POLR1D: variants seen among roughly 807,000 people sequenced by gnomAD.
The protein encoded by POLR1D is DNA-directed RNA polymerases I and III subunit RPAC2.
A neutral mutation model predicts 10.8 loss-of-function variants in POLR1D; 8 were observed. The observed-to-expected ratio is 0.74, with a 90% CI of 0.43 to 1.33. The LOEUF is 1.33. POLR1D is among the 40% of genes most tolerant of loss of function. The pLI is 0.01. For missense variants in POLR1D, 152 were observed against 161.7 expected (o/e 0.94, Z 0.32); for synonymous variants, 54 against 57.2 (o/e 0.94, Z 0.25).
chr13:27,623,414 CTG>C lies in POLR1D; in HGVS notation c.*166_*167del. ...GCTGTTGGAATCTCTGCAAGAACCT[CTG>C]TATTCTTCTAATAAATTCCCTCTTT... On this transcript the variant is annotated 3_prime_UTR_variant, in exon 2 of 2. Coordinates refer to ENST00000302979, the MANE Select transcript of POLR1D (RefSeq NM_015972.4). 7.1e-7 allele frequency: 1 copy of C among 1,413,702 alleles called. No homozygotes were observed. Among genetic ancestry groups the C allele is most frequent in the Non-Finnish European group, 9.3e-7 (1 of 1,080,090 alleles). 87.6% of individuals were successfully genotyped at this position (1,413,702 alleles called of 1,614,324 possible).
chr13:27,664,697 A>T (rs537169083), intron 2 of POLR1D: 1 of 152,248 alleles, frequency 6.6e-6, no homozygotes, highest in Non-Finnish European at 1.5e-5. Context: ...ACTAGTCCAC[A>T]CAATTCCTAT....
chr13:27,630,557 A>G (rs1956063163), intron 1 of POLR1D, among the ~76,000 whole-genome samples: 1 of 152,176 alleles, frequency 6.6e-6, no homozygotes, highest in African/African-American at 2.4e-5. Context: ...CTGAAGTCAG[A>G]GGGCCTGTTG....
chr13:27,666,814 C>G (rs938947106), exon 3 of POLR1D: 1 of 152,090 alleles, frequency 6.6e-6, no homozygotes, highest in African/African-American at 2.4e-5. Context: ...TTTTCATATA[C>G]AATTACAAAC....
intron 2 of POLR1D, among the ~76,000 whole-genome samples, chr13:27,653,092 C>T (rs771158144): frequency 7.3e-5 from 11 of 151,304 alleles, no homozygotes; most frequent in Non-Finnish European, 1.2e-4. Flanking sequence ...TAGTAGAGAT[C>T]GGGTTTCACC....
At chr13:27,640,338 A>G (rs1956162574) in intron 1 of POLR1D, among the ~76,000 whole-genome samples, 3 of 152,312 alleles carry the variant, frequency 2.0e-5, no homozygotes, top group South Asian at 4.1e-4. Flanking sequence ...CCCTTGAATG[A>G]AAGGAAACTG....
chr13:27,635,248 A>G (rs1273165739), intron 1 of POLR1D, among the ~76,000 whole-genome samples: 4 of 152,182 alleles, frequency 2.6e-5, no homozygotes, highest in Admixed American at 6.5e-5. Context: ...ATTAAACGTT[A>G]TTAGTATTAT....
At chr13:27,639,921 T>C (rs1956159457) in intron 1 of POLR1D, among the ~76,000 whole-genome samples, 1 of 152,178 alleles carries the variant, frequency 6.6e-6, no homozygotes, top group South Asian at 2.1e-4. Context: ...TGTTTTGTAA[T>C]AGAGCCGTAG....
intron 2 of POLR1D, among the ~76,000 whole-genome samples, chr13:27,654,497 C>A (rs1186289887): frequency 6.6e-6 from 1 of 152,162 alleles, no homozygotes; most frequent in Admixed American, 6.5e-5. Context: ...AATTTTCTTT[C>A]ATCTGGAAGC....
chr13:27,642,312 G>C (rs916631437), intron 1 of POLR1D, among the ~76,000 whole-genome samples: 1 of 152,046 alleles, frequency 6.6e-6, no homozygotes, highest in Non-Finnish European at 1.5e-5. Flanking sequence ...TGTGTCCTTG[G>C]TCAGTGTCTG....
intron 1 of POLR1D, among the ~76,000 whole-genome samples, chr13:27,637,139 T>C (rs1956132020): frequency 6.6e-6 from 1 of 152,226 alleles, no homozygotes; most frequent in Non-Finnish European, 1.5e-5. Flanking sequence ...TATTACTCTC[T>C]GTGGTTTCTT....
intron 1 of POLR1D, among the ~76,000 whole-genome samples, chr13:27,631,281 T>C (rs1022894174): frequency 1.3e-5 from 2 of 152,176 alleles, no homozygotes; most frequent in African/African-American, 4.8e-5. Context: ...AGCTCACTCA[T>C]ATGGGGCTGC....
chr13:27,665,029 A>T (rs1956401889), intron 2 of POLR1D: 1 of 152,754 alleles, frequency 6.5e-6, no homozygotes, highest in Admixed American at 6.5e-5. Context: ...AGCCTCTCCT[A>T]GGTAAACTTG....
chr13:27,635,747 TAA>T (rs1491183395), intron 1 of POLR1D, among the ~76,000 whole-genome samples: 141 of 148,974 alleles, frequency 9.5e-4, no homozygotes, highest in African/African-American at 3.2e-3. Flanking sequence ...TATATATATA[TAA>T]ATTGTATTTA....
chr13:27,659,906 G>GTATATATATATATATATATATATATA (rs142807905), intron 2 of POLR1D, among the ~76,000 whole-genome samples: 10 of 145,178 alleles, frequency 6.9e-5, no homozygotes, highest in African/African-American at 2.6e-4. Flanking sequence ...TATCTCAGGT[G>GTATATATATATATATATATATATATA]TATATATATA....
intron 1 of POLR1D, among the ~76,000 whole-genome samples, chr13:27,636,504 A>G (rs1956125489): frequency 1.3e-5 from 2 of 152,174 alleles, no homozygotes; most frequent in African/African-American, 2.4e-5. Context: ...GATCCTTGAA[A>G]CTTTTCTAAA....
At chr13:27,647,257 T>C (rs1235557487) in intron 1 of POLR1D, among the ~76,000 whole-genome samples, 1 of 152,152 alleles carries the variant, frequency 6.6e-6, no homozygotes, top group Non-Finnish European at 1.5e-5. Flanking sequence ...TTTTTTAACC[T>C]CTTCAAAAAT....
intron 1 of POLR1D, among the ~76,000 whole-genome samples, chr13:27,622,545 C>T (rs919679215): frequency 6.6e-6 from 1 of 152,280 alleles, no homozygotes; most frequent in South Asian, 2.1e-4. Flanking sequence ...CTCTCTTCAT[C>T]CTCTAGCAGG....
upstream of POLR1D, chr13:27,621,660 G>A: frequency 5.0e-6 from 1 of 199,990 alleles, no homozygotes; most frequent in Non-Finnish European, 1.0e-5. Flanking sequence ...GGCGCCCGCA[G>A]GCCTGTCTGG....
At chr13:27,640,203 C>A (rs931537404) in intron 1 of POLR1D, among the ~76,000 whole-genome samples, 3 of 152,062 alleles carry the variant, frequency 2.0e-5, no homozygotes, top group African/African-American at 7.3e-5. Context: ...AGGAGAATTG[C>A]CTGGACCCTG....
Sources: gnomAD v4.1 joint callset for allele counts (sites outside exome capture counted in the v4.1 genomes callset) on GRCh38, gnomAD v4.1.1 for gene constraint, MANE v1.5 for transcripts, NCBI Gene and HGNC (gene_info 2026-07-23, HGNC 2026-07-21) for gene names.